The following PLCG1 variants were observed in gnomAD, a reference collection of about 807,000 sequenced individuals.
PLCG1 encodes the protein 1-phosphatidylinositol 4,5-bisphosphate phosphodiesterase gamma-1.
A neutral mutation model predicts 177.8 loss-of-function variants in PLCG1; 71 were observed. The observed-to-expected ratio is 0.40, with a 90% CI of 0.33 to 0.49. The LOEUF (loss-of-function observed/expected upper bound fraction) is 0.49, where lower values mean the gene tolerates loss of function less well. Among genes scored for constraint, PLCG1 ranks in the 20% least tolerant of loss-of-function variants. The probability of loss-of-function intolerance (pLI) is 0.72; values close to 1 mark genes in which losing one functional copy is unlikely to be tolerated. For synonymous variants in PLCG1, 658 were observed against 647.9 expected (o/e 1.02, Z -0.24); for missense variants, 1,281 against 1,709.0 (o/e 0.75, Z 4.42).
chr20:41,162,234 T>TG (rs746446685), intron 4 of PLCG1: 5 of 294,688 alleles, frequency 1.7e-5, no homozygotes, highest in South Asian at 1.4e-4. Flanking sequence ...GTTTTGTTTT[T>TG]GTTTTTTTTT....
intron 1 of PLCG1, among the ~76,000 whole-genome samples, chr20:41,152,758 AG>A (rs1402141851): frequency 2.0e-5 from 3 of 152,268 alleles, no homozygotes; most frequent in African/African-American, 7.2e-5. Flanking sequence ...AGGAGCTCAT[AG>A]GCCAGTGGCC....
At position 41,148,857 on chromosome 20, in the gene PLCG1, G is replaced by A. The variant is rs1051959001; in HGVS notation, c.218-10749G>A. Among the ~76,000 whole-genome samples, 4 of 152,162 alleles carry A rather than the reference G, an allele frequency of 2.6e-5. No homozygotes were observed. Among genetic ancestry groups the A allele is most frequent in the Non-Finnish European group, 5.9e-5 (4 of 68,032 alleles). On this transcript the variant is annotated intron_variant, in intron 1 of 31. Transcript: ENST00000685551. The surrounding 1 kb of genome is among the most constrained non-coding windows in gnomAD (Gnocchi z 4.3). ...GATTCTGAGGCATTACAGAGCACACGTCTAGGGTACAGGCAGTCTTGGCTT... is the reference window on the plus strand; with the variant it reads ...GATTCTGAGGCATTACAGAGCACACATCTAGGGTACAGGCAGTCTTGGCTT...
chr20:41,139,308 C>T (rs929510435), intron 1 of PLCG1, among the ~76,000 whole-genome samples: 3 of 152,176 alleles, frequency 2.0e-5, no homozygotes, highest in Non-Finnish European at 4.4e-5. Flanking sequence ...ATCGACACTG[C>T]AAAGAGCTGA....
rs772580062 is a variant in PLCG1 at position 41,162,964 on chromosome 20, C to A, written c.688C>A (p.Leu230Ile). 2.0e-5 allele frequency: 32 copies of A among 1,613,892 alleles called. 1 individual carries two copies. In the South Asian group the frequency reaches 3.5e-4, roughly 18 times the overall value. The change falls in exon 7 of 32, where the codon CTC becomes ATC. Residue 230 changes from leucine (L) to isoleucine (I), a missense_variant. Leu to Ile is a conservative substitution (Grantham distance 5, BLOSUM62 2). Coordinates refer to ENST00000685551, the MANE Select transcript of PLCG1 (RefSeq NM_002660.3). ...LMYSAQKTMD[L>I]PFLEASTLRA... is the part of the protein sequence containing the mutation. ...CAGGTTCTGTTTCCTGCAGATGGAC[C>A]TCCCCTTCTTGGAAGCCAGTACTCT...
In PLCG1 at chr20:41,167,886, A is replaced by T. The variant is rs751051268; in HGVS notation, c.2336A>T (p.Asn779Ile). Residue 779 changes from asparagine (N) to isoleucine (I), a missense_variant, in exon 20 of 32, where the codon AAC (asparagine) becomes ATC (isoleucine). By Grantham distance (149) the Asn-to-Ile change is moderately radical. Coordinates refer to ENST00000685551, the MANE Select transcript of PLCG1 (RefSeq NM_002660.3). The surrounding 1 kb of genome is among the most constrained non-coding windows in gnomAD (Gnocchi z 4.4). ...PDYGALYEGR[N>I]PGFYVEANPM... Reference sequence around the variant, plus strand: ...TACGGGGCCCTGTATGAGGGACGCAACCCTGGCTTCTATGTAGAGGCAAAC... The same window carrying T: ...TACGGGGCCCTGTATGAGGGACGCATCCCTGGCTTCTATGTAGAGGCAAAC... The T allele has an allele frequency of 6.2e-6, 10 of 1,613,678 alleles. No individual in the cohort carries two copies. Among genetic ancestry groups the T allele is most frequent in the Non-Finnish European group, 3.4e-6 (4 of 1,179,832 alleles).
intron 4 of PLCG1, among the ~76,000 whole-genome samples, chr20:41,162,158 A>C (rs1355821524): frequency 6.7e-6 from 1 of 150,154 alleles, no homozygotes. Context: ...TCTTCCTCCC[A>C]TGCCTGACCC....
At chr20:41,158,325 CA>C (rs1568738741) in intron 1 of PLCG1, among the ~76,000 whole-genome samples, 1 of 152,150 alleles carries the variant, frequency 6.6e-6, no homozygotes, top group African/African-American at 2.4e-5. Flanking sequence ...CCGAAGTTAC[CA>C]GGCCAGTCTG....
At chr20:41,141,981 A>G (rs1241751259) in intron 1 of PLCG1, among the ~76,000 whole-genome samples, 1 of 152,222 alleles carries the variant, frequency 6.6e-6, no homozygotes, top group Non-Finnish European at 1.5e-5. Flanking sequence ...ACATTTATTA[A>G]TATTTGCAAT....
rs1275393247 is a variant in PLCG1, at chr20:41,165,423, C to T, written c.1510-27C>T. 1.9e-6 allele frequency: 3 copies of T among 1,613,870 alleles called. No individual in the cohort carries two copies. The highest frequency in any genetic ancestry group is 2.5e-6 in the Non-Finnish European group (3 of 1,179,834). ...GCCAGTGGGTGTGAGGACCCTGGCTCACAAGTCCCTCTTTGGTCTGTTCCA... is the reference window on the plus strand; with the variant it reads ...GCCAGTGGGTGTGAGGACCCTGGCTTACAAGTCCCTCTTTGGTCTGTTCCA... On this transcript the variant is annotated intron_variant, in intron 14 of 31. Coordinates refer to ENST00000685551, the MANE Select transcript of PLCG1 (RefSeq NM_002660.3). The surrounding 1 kb of genome is among the most constrained non-coding windows in gnomAD (Gnocchi z 6.6).
At position 41,148,826 on chromosome 20, in the gene PLCG1, A is replaced by C. The variant is rs1361056534; in HGVS notation, c.218-10780A>C. ...GTGCTGGCCCTGCTTGGCCACTTCC[A>C]ACAAGGATTCTGAGGCATTACAGAG... On this transcript the variant is annotated intron_variant, in intron 1 of 31. Coordinates refer to ENST00000685551, the MANE Select transcript of PLCG1 (RefSeq NM_002660.3). The surrounding 1 kb of genome is among the most constrained non-coding windows in gnomAD (Gnocchi z 4.3). 6.6e-6 allele frequency among the ~76,000 whole-genome samples: 1 copy of C among 152,178 alleles called. No homozygotes were observed. The highest frequency in any genetic ancestry group is 1.5e-5 in the Non-Finnish European group (1 of 68,028).
Position 41,151,995 on chromosome 20 carries a change from C to G in PLCG1, c.218-7611C>G, listed in dbSNP as rs2035180841. Among the ~76,000 whole-genome samples, 1 of 152,190 alleles carries G rather than the reference C, an allele frequency of 6.6e-6. No homozygotes were observed. The highest frequency in any genetic ancestry group is 6.5e-5 in the Admixed American group (1 of 15,280). ...GGATGGGGTGACTGAGGTAGGGGGC[C>G]AGAAGTGGCCCAGATGATACTCACT... On this transcript the variant is annotated intron_variant, in intron 1 of 31. Transcript: ENST00000685551. The surrounding 1 kb of genome is among the most constrained non-coding windows in gnomAD (Gnocchi z 5.5).
At chr20:41,140,897 C>G (rs1403361831) in intron 1 of PLCG1, among the ~76,000 whole-genome samples, 1 of 152,134 alleles carries the variant, frequency 6.6e-6, no homozygotes, top group Non-Finnish European at 1.5e-5. Flanking sequence ...CAGTGTGTGC[C>G]AGGGCCTCAG....
Position 41,174,171 on chromosome 20 carries a change from G to A in PLCG1, c.3693G>A (p.Glu1231=), listed in dbSNP as rs374564388. The change falls in exon 31 of 32, where the codon GAG becomes GAA. Residue 1231 remains glutamate, a synonymous_variant. Transcript: ENST00000685551. This position sits in a 1 kb window ranked among gnomAD's most constrained non-coding sequence, Gnocchi z 5.8. Reference sequence around the variant, plus strand: ...CCTTCAGTGGTACGTCCCTGCGGGAGCGGGGCTCAGATGCCTCAGGCCAGC... The same window carrying A: ...CCTTCAGTGGTACGTCCCTGCGGGAACGGGGCTCAGATGCCTCAGGCCAGC... ...LSPFSGTSLR[E]RGSDASGQLF... is the part of the protein sequence containing the mutation. The A allele has an allele frequency of 6.2e-7, 1 of 1,614,044 alleles. No homozygotes were observed. The highest frequency in any genetic ancestry group is 1.3e-5 in the African/African-American group (1 of 74,936).
Position 41,162,520 on chromosome 20 carries a change from T to G in PLCG1, c.581T>G (p.Leu194Arg). 6.2e-7 allele frequency: 1 copy of G among 1,613,870 alleles called. No homozygotes were observed. The highest frequency in any genetic ancestry group is 8.5e-7 in the Non-Finnish European group (1 of 1,179,882). ...VNYRVPNMRF[L>R]RERLTDLEQR... ...TACCGGGTCCCCAACATGCGCTTCC[T>G]CCGAGAGCGGCTGACGGTAAGTGCC... Residue 194 changes from leucine (L) to arginine (R), a missense_variant, in exon 5 of 32, where the codon CTC becomes CGC. By Grantham distance (102) the Leu-to-Arg change is moderately radical (BLOSUM62 -2). Coordinates refer to ENST00000685551, the MANE Select transcript of PLCG1 (RefSeq NM_002660.3).
Position 41,175,678 on chromosome 20 carries a change from CTT to C in PLCG1, c.*1170_*1171del, listed in dbSNP as rs1330616847. ...GGCCATTTGCTAGTTCTGCTGCCCT[CTT>C]AAGATCTGACTGCCAAATAAATCAT... On this transcript the variant is annotated 3_prime_UTR_variant, in exon 32 of 32. Transcript: ENST00000685551. 1 of 152,666 alleles carries C rather than the reference CTT, an allele frequency of 6.6e-6. No individual in the cohort carries two copies. The highest frequency in any genetic ancestry group is 1.5e-5 in the Non-Finnish European group (1 of 68,052). 9.5% of individuals were successfully genotyped at this position (152,666 alleles called of 1,614,324 possible).
rs1280558231 is a variant in PLCG1 at position 41,177,529 on chromosome 20, G to T, written c.*3020G>T. 1 of 152,230 alleles carries T rather than the reference G, an allele frequency of 6.6e-6. No homozygotes were observed. Among genetic ancestry groups the T allele is most frequent in the Non-Finnish European group, 1.5e-5 (1 of 68,042 alleles). 9.4% of individuals were successfully genotyped at this position (152,230 alleles called of 1,614,324 possible). A position where few individuals can be genotyped will look rare whatever the true frequency, so the allele number is the denominator to read the frequency against. On this transcript the variant is annotated 3_prime_UTR_variant, in exon 32 of 32. Coordinates refer to ENST00000685551, the MANE Select transcript of PLCG1 (RefSeq NM_002660.3). ...TCACCATGTGAGTTCTGTTGAGGGT[G>T]GGTAGAAAGCAAATAGGTTCAGGTT...
In PLCG1 at chr20:41,153,515, T is replaced by G. The variant is rs1239513290; in HGVS notation, c.218-6091T>G. Among the ~76,000 whole-genome samples, 1 of 152,102 alleles carries G rather than the reference T, an allele frequency of 6.6e-6. No individual in the cohort carries two copies. The highest frequency in any genetic ancestry group is 1.5e-5 in the Non-Finnish European group (1 of 68,028). On this transcript the variant is annotated intron_variant, in intron 1 of 31. Coordinates refer to ENST00000685551, the MANE Select transcript of PLCG1 (RefSeq NM_002660.3). This position sits in a 1 kb window ranked among gnomAD's most constrained non-coding sequence, Gnocchi z 5.1. Reference sequence around the variant, plus strand: ...GGTCTTCCTCTGTTACCCAGATGGGTCTTGAACTCCTGGCCTCAAGCAGTC... The same window carrying G: ...GGTCTTCCTCTGTTACCCAGATGGGGCTTGAACTCCTGGCCTCAAGCAGTC...
rs1408164204 is a variant in PLCG1, at chr20:41,177,371, T to C, written c.*2862T>C. On this transcript the variant is annotated 3_prime_UTR_variant, in exon 32 of 32. Coordinates refer to ENST00000685551, the MANE Select transcript of PLCG1 (RefSeq NM_002660.3). Reference sequence around the variant, plus strand: ...TGGCAGGAGCAGTTTCTGACCTCAGTTGAGTATCTGTGGCCATGAGCAGAA... The same window carrying C: ...TGGCAGGAGCAGTTTCTGACCTCAGCTGAGTATCTGTGGCCATGAGCAGAA... The C allele has an allele frequency of 6.6e-6, 1 of 152,276 alleles. No individual in the cohort carries two copies. Among genetic ancestry groups the C allele is most frequent in the East Asian group, 1.9e-4 (1 of 5,198 alleles). 9.4% of individuals were successfully genotyped at this position (152,276 alleles called of 1,614,324 possible). A position where few individuals can be genotyped will look rare whatever the true frequency, so the allele number is the denominator to read the frequency against.
intron 1 of PLCG1, among the ~76,000 whole-genome samples, chr20:41,158,152 T>C (rs568061113): frequency 5.8e-4 from 88 of 151,898 alleles, no homozygotes; most frequent in Non-Finnish European, 1.2e-3. Flanking sequence ...CCAGGTGGGA[T>C]AGATGTGGAG....
Sources: gnomAD v4.1 joint callset for allele counts (sites outside exome capture counted in the v4.1 genomes callset) on GRCh38, gnomAD v4.1.1 for gene constraint, Gnocchi (gnomAD v3.1) non-coding constraint, MANE v1.5 for transcripts, NCBI Gene and HGNC (gene_info 2026-07-23, HGNC 2026-07-21) for gene names.